SLC13A4: variants seen among roughly 807,000 people sequenced by gnomAD.
SLC13A4 encodes the protein Na(+)/sulfate cotransporter SUT-1.
SLC13A4 carries 28 observed loss-of-function variants against 72.7 expected under a neutral mutation model. That is an observed-to-expected ratio of 0.39 (90% CI 0.29 to 0.53). The LOEUF is 0.53. SLC13A4 is among the 20% of genes least tolerant of loss of function. SLC13A4 has a pLI of 0.78. For synonymous variants in SLC13A4, 312 were observed against 325.5 expected (o/e 0.96, Z 0.45); for missense variants, 653 against 788.0 (o/e 0.83, Z 2.05).
intron 15 of SLC13A4, among the ~76,000 whole-genome samples, chr7:135,682,097 C>T (rs974898757): frequency 2.0e-5 from 3 of 152,164 alleles, no homozygotes; most frequent in African/African-American, 7.2e-5. Flanking sequence ...GGAACTTGTA[C>T]GAGGGGCTAT....
At chr7:135,707,270 T>C (rs1261352480) in intron 3 of SLC13A4, among the ~76,000 whole-genome samples, 2 of 152,184 alleles carry the variant, frequency 1.3e-5, no homozygotes, top group Non-Finnish European at 2.9e-5. Context: ...TGTGACGAAA[T>C]GCCACTGTGT....
At chr7:135,708,407 C>T (rs1418305913) in intron 2 of SLC13A4, among the ~76,000 whole-genome samples, 157 bp from the exon 3 acceptor site, 2 of 152,218 alleles carry the variant, frequency 1.3e-5, no homozygotes, top group African/African-American at 4.8e-5. Context: ...AATAGCCGCC[C>T]ATCCTAGAGT....
intron 2 of SLC13A4, among the ~76,000 whole-genome samples, chr7:135,720,300 AC>A (rs1468476764): frequency 1.3e-5 from 2 of 152,142 alleles, no homozygotes; most frequent in Admixed American, 6.5e-5. Context: ...TCTAATAGTT[AC>A]GGGTTTGAAT....
intron 3 of SLC13A4, chr7:135,707,728 T>A (rs1283296242): frequency 6.1e-6 from 1 of 164,092 alleles, no homozygotes; most frequent in Non-Finnish European, 1.3e-5. Context: ...GAGGAAACAT[T>A]CCCGTCTCCT....
At chr7:135,684,790 T>C (rs548546765) in intron 14 of SLC13A4, among the ~76,000 whole-genome samples, 1 of 152,252 alleles carries the variant, frequency 6.6e-6, no homozygotes, top group East Asian at 1.9e-4. Context: ...TGGGGTCATC[T>C]GAGCAATGAG....
Position 135,692,643 on chromosome 7 carries a change from A to G in SLC13A4, c.1122-219T>C, listed in dbSNP as rs1218056380. On this transcript the variant is annotated intron_variant, in intron 10 of 15. Coordinates refer to ENST00000682651, the MANE Select transcript of SLC13A4 (RefSeq NM_001318192.2). The stretch of plus-strand genomic sequence containing the variant: ...CATGTTCCTGGAGAAACTTCAGTAG[A>G]AAGGGCAAGAGAACACAGCACTGTA... 1.3e-5 allele frequency: 7 copies of G among 542,982 alleles called. No individual in the cohort carries two copies. The Admixed American group carries it at 2.5e-4, about 20-fold the overall frequency. 33.6% of individuals were successfully genotyped at this position (542,982 alleles called of 1,614,324 possible). A position where few individuals can be genotyped will look rare whatever the true frequency, so the allele number is the denominator to read the frequency against.
intron 13 of SLC13A4, among the ~76,000 whole-genome samples, chr7:135,686,867 G>C (rs1795638726): frequency 6.6e-6 from 1 of 152,126 alleles, no homozygotes; most frequent in South Asian, 2.1e-4. Flanking sequence ...GACCAGCCTG[G>C]CCAATGTGGT....
At chr7:135,685,710 A>C (rs747956327) in intron 13 of SLC13A4, 27 bp from the exon 14 acceptor site, 1 of 1,588,530 alleles carries the variant, frequency 6.3e-7, no homozygotes, top group South Asian at 1.1e-5. Context: ...TACAGTAAGA[A>C]GAAAGGAGAA....
At chr7:135,711,337 A>G (rs1584734776) in intron 2 of SLC13A4, among the ~76,000 whole-genome samples, 1 of 152,162 alleles carries the variant, frequency 6.6e-6, no homozygotes, top group East Asian at 1.9e-4. Flanking sequence ...CCATTCTAGA[A>G]CACCGGTTTG....
intron 2 of SLC13A4, among the ~76,000 whole-genome samples, chr7:135,709,054 C>T (rs1004718423): frequency 2.6e-5 from 4 of 150,994 alleles, no homozygotes; most frequent in African/African-American, 4.9e-5. Context: ...CTCAGCCTCC[C>T]GAGTAGCTGG....
intron 1 of SLC13A4, among the ~76,000 whole-genome samples, chr7:135,721,905 G>A (rs1168976244): frequency 6.6e-6 from 1 of 152,230 alleles, no homozygotes; most frequent in African/African-American, 2.4e-5. Flanking sequence ...TTGGTGTTAA[G>A]TTGACTGGAT....
chr7:135,722,839 T>C (rs918476664), intron 1 of SLC13A4, among the ~76,000 whole-genome samples: 3 of 151,966 alleles, frequency 2.0e-5, no homozygotes, highest in African/African-American at 7.3e-5. Flanking sequence ...CTCCCTTCCC[T>C]GGGAGAGGGA....
chr7:135,684,017 C>G (rs188879616), intron 15 of SLC13A4, 107 bp downstream of exon 15: 2 of 1,301,182 alleles, frequency 1.5e-6, no homozygotes, highest in Non-Finnish European at 2.1e-6. Flanking sequence ...TTAGCATTGA[C>G]AGGCCAGGGA....
At chr7:135,720,763 C>T (rs1796529691) in intron 2 of SLC13A4, among the ~76,000 whole-genome samples, 1 of 152,072 alleles carries the variant, frequency 6.6e-6, no homozygotes, top group African/African-American at 2.4e-5. Context: ...TTGCCACAAC[C>T]TGGGCTTCCC....
At chr7:135,695,347 T>C in intron 9 of SLC13A4, 21 bp downstream of exon 9, 1 of 1,613,422 alleles carries the variant, frequency 6.2e-7, no homozygotes, top group Non-Finnish European at 8.5e-7. Context: ...AGTGCTTTGC[T>C]GAAAGGGCCC....
intron 2 of SLC13A4, among the ~76,000 whole-genome samples, chr7:135,718,168 G>T (rs1163481149): frequency 6.6e-6 from 1 of 151,886 alleles, no homozygotes; most frequent in Non-Finnish European, 1.5e-5. Flanking sequence ...TCCAGCTTCA[G>T]ACAGTGAGAG....
intron 2 of SLC13A4, among the ~76,000 whole-genome samples, chr7:135,711,943 C>T (rs1435430781): frequency 7.3e-6 from 1 of 136,618 alleles, no homozygotes; most frequent in Admixed American, 7.4e-5. Context: ...GAAACCACTA[C>T]ACCTGGCTAA....
Position 135,717,707 on chromosome 7 carries a change from C to T in SLC13A4, c.228+3688G>A, listed in dbSNP as rs116092268. On this transcript the variant is annotated intron_variant, in intron 2 of 15. Transcript: ENST00000682651. Reference sequence around the variant, plus strand: ...TGTGATGGTTAACTTTGCATGTCAACTTGGGTGGACCATGGGGTGCCCAGA... The same window carrying T: ...TGTGATGGTTAACTTTGCATGTCAATTTGGGTGGACCATGGGGTGCCCAGA... 9.1e-3 allele frequency among the ~76,000 whole-genome samples: 1,391 copies of T among 152,282 alleles called. 17 individuals carry two copies. Among genetic ancestry groups the T allele is most frequent in the African/African-American group, 0.031 (1,305 of 41,544 alleles).
intron 3 of SLC13A4, 114 bp from the exon 4 acceptor site, chr7:135,706,414 G>A: frequency 8.8e-7 from 1 of 1,130,516 alleles, no homozygotes; most frequent in Non-Finnish European, 1.2e-6. Flanking sequence ...TGGCTGGAAA[G>A]GCAGGCATTT....
Sources: allele counts gnomAD v4.1 joint callset (sites outside exome capture counted in the v4.1 genomes callset), GRCh38; gene constraint gnomAD v4.1.1; transcripts MANE v1.5; gene names NCBI Gene and HGNC (gene_info 2026-07-23, HGNC 2026-07-21).